The following USH2A variants were observed in gnomAD, a reference collection of about 807,000 sequenced individuals.
USH2A encodes the protein usherin.
A neutral mutation model predicts 538.9 loss-of-function variants in USH2A; 443 were observed. The ratio of observed to expected loss-of-function variants is 0.82; its 90% CI spans 0.76 to 0.89. USH2A has a LOEUF of 0.89. Among genes scored for constraint, USH2A ranks in the 40% least tolerant of loss-of-function variants. The pLI is 0.00. For missense variants in USH2A, 6,633 were observed against 6,324.8 expected, an observed-to-expected ratio of 1.05 and a Z score of -1.65; for synonymous variants, 2,413 against 2,273.5, an observed-to-expected ratio of 1.06 and a Z score of -1.75.
In USH2A at chr1:215,845,808, T is replaced by C. The variant is rs1311669094; in HGVS notation, c.9055+16A>G. ...TCGCATCTCTGAGGCAAATATCCTT[T>C]AGAATCTGGACTCACCCCCATCGCA... On this transcript the variant is annotated intron_variant, in intron 45 of 71. Transcript: ENST00000307340. The C allele has an allele frequency of 6.2e-7, 1 of 1,611,828 alleles. No homozygotes were observed. Among genetic ancestry groups the C allele is most frequent in the African/African-American group, 1.3e-5 (1 of 74,836 alleles).
chr1:215,978,574 A>G (rs986960086), intron 35 of USH2A, among the ~76,000 whole-genome samples: 1 of 152,198 alleles, frequency 6.6e-6, no homozygotes. Flanking sequence ...ACCTTTATGG[A>G]AGTAAGAAAA....
rs748983904 is a variant in USH2A, at chr1:215,970,656, C to A, written c.6926G>T (p.Cys2309Phe). 2.5e-6 allele frequency: 4 copies of A among 1,613,650 alleles called. No homozygotes were observed. The South Asian group carries it at 3.3e-5, about 13-fold the overall frequency. ...GCCCAGAGCACAACCTTTGGCCGTG[C>A]ATGCTTGGACTCTGAAGGAATGTAA... ...WSLHSFRVQA[C>F]TAKGCALGPL... Residue 2309 changes from cysteine (C) to phenylalanine (F), a missense_variant, in exon 36 of 72, where the codon TGC becomes TTC. Transcript: ENST00000307340.
At chr1:215,931,711 A>T (rs1666367751) in intron 38 of USH2A, among the ~76,000 whole-genome samples, 1 of 152,032 alleles carries the variant, frequency 6.6e-6, no homozygotes, top group Non-Finnish European at 1.5e-5. Flanking sequence ...TTCATTCACC[A>T]ATTATTCATT....
intron 2 of USH2A, among the ~76,000 whole-genome samples, chr1:216,421,261 A>G (rs1222401572): frequency 6.6e-6 from 1 of 152,150 alleles, no homozygotes; most frequent in Non-Finnish European, 1.5e-5. Flanking sequence ...TTTCCTAACT[A>G]ATTGGAAAAT....
At chr1:215,663,592 G>A (rs1657511520) in intron 64 of USH2A, among the ~76,000 whole-genome samples, 1 of 152,154 alleles carries the variant, frequency 6.6e-6, no homozygotes, top group Non-Finnish European at 1.5e-5. Context: ...AGCCCTGCCT[G>A]TAGGAGGTGG....
At chr1:215,819,389 A>T (rs1662947283) in intron 47 of USH2A, among the ~76,000 whole-genome samples, 1 of 140,894 alleles carries the variant, frequency 7.1e-6, no homozygotes, top group Admixed American at 7.5e-5. Flanking sequence ...ATAAACCTCA[A>T]CATTTTCATA....
At chr1:215,809,253 AG>A (rs1558108195) in intron 49 of USH2A, among the ~76,000 whole-genome samples, 1 of 152,192 alleles carries the variant, frequency 6.6e-6, no homozygotes, top group African/African-American at 2.4e-5. Flanking sequence ...CCCATGGTAC[AG>A]GGCAACAACA....
chr1:215,862,103 G>A (rs770012840), intron 44 of USH2A, among the ~76,000 whole-genome samples: 2 of 152,122 alleles, frequency 1.3e-5, no homozygotes, highest in African/African-American at 4.8e-5. Flanking sequence ...CTCCCAAAGT[G>A]CTGGGATTAC....
intron 34 of USH2A, among the ~76,000 whole-genome samples, chr1:215,995,652 A>T (rs1451795587): frequency 6.6e-6 from 1 of 152,196 alleles, no homozygotes; most frequent in Non-Finnish European, 1.5e-5. Context: ...AGTGGGGTTG[A>T]TTAAAAATGC....
intron 44 of USH2A, among the ~76,000 whole-genome samples, chr1:215,855,605 C>T (rs1405576079): frequency 6.6e-6 from 1 of 152,046 alleles, no homozygotes; most frequent in Non-Finnish European, 1.5e-5. Context: ...CAATTCCCAT[C>T]AAATTACCAT....
chr1:215,936,292 C>T (rs1341900658), intron 37 of USH2A, among the ~76,000 whole-genome samples: 4 of 151,810 alleles, frequency 2.6e-5, no homozygotes, highest in African/African-American at 4.8e-5. Context: ...GATCTTGCAT[C>T]GTATAGTATA....
At chr1:216,377,454 T>G (rs1310730735) in intron 3 of USH2A, among the ~76,000 whole-genome samples, 3 of 152,244 alleles carry the variant, frequency 2.0e-5, no homozygotes, top group East Asian at 1.9e-4. Context: ...GAATATTCAG[T>G]GAACAGTTTC....
intron 61 of USH2A, among the ~76,000 whole-genome samples, chr1:215,697,732 G>T (rs1658866289): frequency 6.6e-6 from 1 of 152,084 alleles, no homozygotes; most frequent in Admixed American, 6.5e-5. Flanking sequence ...TGTTGGTCAG[G>T]CTGGTCTTGA....
At chr1:216,114,977 T>C (rs982485539) in intron 21 of USH2A, among the ~76,000 whole-genome samples, 1 of 152,208 alleles carries the variant, frequency 6.6e-6, no homozygotes, top group African/African-American at 2.4e-5. Context: ...TATCTGCATA[T>C]AGATATCTAT....
intron 32 of USH2A, among the ~76,000 whole-genome samples, 194 bp from the exon 33 acceptor site, chr1:216,000,756 A>C (rs1263879147): frequency 1.3e-5 from 2 of 152,194 alleles, no homozygotes; most frequent in Non-Finnish European, 2.9e-5. Context: ...ATGTTTAAAT[A>C]GACAAGTGTC....
intron 61 of USH2A, among the ~76,000 whole-genome samples, chr1:215,708,986 A>G (rs906117277): frequency 1.3e-5 from 2 of 152,222 alleles, no homozygotes; most frequent in Admixed American, 1.3e-4. Flanking sequence ...TGATTCAAAT[A>G]TAACACTAAC....
At chr1:215,769,353 A>C (rs1189606249) in intron 55 of USH2A, among the ~76,000 whole-genome samples, 1 of 152,230 alleles carries the variant, frequency 6.6e-6, no homozygotes. Flanking sequence ...AAAAAAGAAA[A>C]TTCATAATCA....
intron 4 of USH2A, among the ~76,000 whole-genome samples, chr1:216,343,430 T>C (rs1571721976): frequency 2.0e-5 from 3 of 149,042 alleles, no homozygotes; most frequent in African/African-American, 7.4e-5. Context: ...CTCCCAGCTA[T>C]GCAGTAGGCT....
chr1:215,713,271 G>A (rs771714503), intron 61 of USH2A, among the ~76,000 whole-genome samples: 1 of 152,074 alleles, frequency 6.6e-6, no homozygotes, highest in Non-Finnish European at 1.5e-5. Flanking sequence ...CAGTTCCTGC[G>A]ACTCTAAGAG....
Sources: gnomAD v4.1 joint callset for allele counts (sites outside exome capture counted in the v4.1 genomes callset) on GRCh38, gnomAD v4.1.1 for gene constraint, MANE v1.5 for transcripts, NCBI Gene and HGNC (gene_info 2026-07-23, HGNC 2026-07-21) for gene names.